Variants in EPHA6 observed in about 807,000 individuals in gnomAD.
EPHA6 encodes the protein EPH receptor A6, also known as ephrin type-A receptor 6.
In EPHA6, 50 loss-of-function variants were observed where a neutral mutation model predicts 112.0. The ratio of observed to expected loss-of-function variants is 0.45; its 90% confidence interval spans 0.36 to 0.56. The LOEUF (loss-of-function observed/expected upper bound fraction) is 0.56. Ranked by LOEUF, EPHA6 falls within the 20% of genes least tolerant of loss-of-function variation. EPHA6 has a pLI of 0.00. For missense variants in EPHA6, 1,280 were observed against 1,417.4 expected (o/e 0.90, Z 1.56); for synonymous variants, 529 against 490.7 (o/e 1.08, Z -1.03).
At chr3:97,660,078 T>A (rs902087276) in intron 14 of EPHA6, among the ~76,000 whole-genome samples, 1 of 152,132 alleles carries the variant, frequency 6.6e-6, no homozygotes, top group Non-Finnish European at 1.5e-5. Flanking sequence ...ATTCTGTTTC[T>A]GGCTACATAT....
At chr3:97,284,455 T>A (rs1447328029) in intron 5 of EPHA6, among the ~76,000 whole-genome samples, 1 of 152,222 alleles carries the variant, frequency 6.6e-6, no homozygotes, top group Non-Finnish European at 1.5e-5. Context: ...CACTTACTTT[T>A]GTTTCATTTA....
chr3:97,655,786 T>C (rs2107619119), intron 14 of EPHA6, among the ~76,000 whole-genome samples: 1 of 149,440 alleles, frequency 6.7e-6, no homozygotes, highest in Non-Finnish European at 1.5e-5. Context: ...GGGATAGCAT[T>C]AGGAGATATA....
intron 3 of EPHA6, among the ~76,000 whole-genome samples, chr3:97,026,482 A>G (rs1326631000): frequency 2.6e-5 from 4 of 152,138 alleles, no homozygotes; most frequent in Admixed American, 2.0e-4. Context: ...CTTTTGACTT[A>G]GCCATATTCC....
intron 3 of EPHA6, among the ~76,000 whole-genome samples, chr3:97,224,900 T>A (rs2078307040): frequency 6.6e-6 from 1 of 152,056 alleles, no homozygotes; most frequent in Admixed American, 6.6e-5. Flanking sequence ...CAATTTCAGG[T>A]CCAACTTGTT....
intron 3 of EPHA6, among the ~76,000 whole-genome samples, chr3:97,153,274 A>G: frequency 6.6e-6 from 1 of 152,078 alleles, no homozygotes; most frequent in Admixed American, 6.6e-5. Flanking sequence ...AAAGTGCTTG[A>G]GAAGCATTAA....
At chr3:97,022,588 C>T (rs562767576) in intron 3 of EPHA6, among the ~76,000 whole-genome samples, 35 of 152,206 alleles carry the variant, frequency 2.3e-4, no homozygotes, top group African/African-American at 6.0e-4. Context: ...ATGACAAGAG[C>T]GGGTAAATAT....
At chr3:96,870,979 G>A (rs1355668594) in intron 2 of EPHA6, among the ~76,000 whole-genome samples, 1 of 152,074 alleles carries the variant, frequency 6.6e-6, no homozygotes, top group Admixed American at 6.6e-5. Context: ...ACTATACCAT[G>A]TGCATATTCA....
intron 15 of EPHA6, among the ~76,000 whole-genome samples, chr3:97,727,997 C>T (rs2034852216): frequency 6.6e-6 from 1 of 151,902 alleles, no homozygotes; most frequent in Non-Finnish European, 1.5e-5. Context: ...TGTGTACATG[C>T]CAGCAATATT....
chr3:97,212,794 G>T (rs1342329470), intron 3 of EPHA6, among the ~76,000 whole-genome samples: 1 of 152,074 alleles, frequency 6.6e-6, no homozygotes, highest in Non-Finnish European at 1.5e-5. Flanking sequence ...ACCTGAGTTT[G>T]CCAGTATGGA....
intron 6 of EPHA6, among the ~76,000 whole-genome samples, chr3:97,414,452 A>G (rs934675396): frequency 1.3e-5 from 2 of 152,042 alleles, no homozygotes; most frequent in African/African-American, 4.8e-5. Context: ...AACCTTTAAA[A>G]TTTAGAGAAA....
rs1335184124 is a variant in EPHA6 at position 97,483,843 on chromosome 3, T to G, written c.2075-91T>G. 3 of 1,307,382 alleles carry G rather than the reference T, an allele frequency of 2.3e-6. No individual in the cohort carries two copies. The East Asian group carries it at 7.9e-5, about 34-fold the overall frequency. 81.0% of individuals were successfully genotyped at this position (1,307,382 alleles called of 1,614,324 possible). ...TAAATCATTATCAAGACTGACTACT[T>G]CAGTATGTCATTTCCGGTTTTAAAT... is the stretch of plus-strand genomic sequence containing the variant. On this transcript the variant is annotated intron_variant, in intron 9 of 17. Transcript: ENST00000389672.
intron 3 of EPHA6, among the ~76,000 whole-genome samples, chr3:97,076,914 G>A (rs2046545711): frequency 6.6e-6 from 1 of 152,110 alleles, no homozygotes; most frequent in South Asian, 2.1e-4. Flanking sequence ...GAGAGCTACA[G>A]CCCAGAAAAA....
intron 1 of EPHA6, among the ~76,000 whole-genome samples, chr3:96,822,424 T>G (rs183769069): frequency 3.4e-4 from 52 of 151,952 alleles, no homozygotes; most frequent in South Asian, 6.2e-4. Context: ...TGAGCTAGTT[T>G]CCCGGGATTC....
At chr3:97,107,746 G>A (rs1437623498) in intron 3 of EPHA6, among the ~76,000 whole-genome samples, 2 of 151,916 alleles carry the variant, frequency 1.3e-5, no homozygotes, top group Admixed American at 6.6e-5. Context: ...GATGTATTAG[G>A]GAGGCTGAAT....
intron 2 of EPHA6, among the ~76,000 whole-genome samples, chr3:96,868,830 A>T (rs1382158832): frequency 6.6e-6 from 1 of 152,006 alleles, no homozygotes; most frequent in African/African-American, 2.4e-5. Flanking sequence ...AGGTAATTTA[A>T]TCATTGATTC....
chr3:96,928,565 C>G (rs190747517), intron 2 of EPHA6, among the ~76,000 whole-genome samples: 3 of 151,930 alleles, frequency 2.0e-5, no homozygotes, highest in Non-Finnish European at 4.4e-5. Flanking sequence ...GAGTAAGTGC[C>G]GTGCGGTGAT....
chr3:97,412,558 A>G (rs1431783792), intron 6 of EPHA6, among the ~76,000 whole-genome samples: 5 of 152,052 alleles, frequency 3.3e-5, no homozygotes, highest in South Asian at 4.1e-4. Flanking sequence ...ATGCTTTGCT[A>G]TACAAGGTGA....
chr3:97,276,071 C>T (rs772525939), intron 5 of EPHA6, among the ~76,000 whole-genome samples: 3 of 152,018 alleles, frequency 2.0e-5, no homozygotes, highest in Non-Finnish European at 4.4e-5. Context: ...TCAATACCCA[C>T]AACAGTTATG....
intron 3 of EPHA6, among the ~76,000 whole-genome samples, chr3:97,180,099 A>G (rs2076947737): frequency 6.6e-6 from 1 of 152,098 alleles, no homozygotes; most frequent in Non-Finnish European, 1.5e-5. Flanking sequence ...TGGCACTTAA[A>G]TCACGAAATG....
Sources: gnomAD v4.1 joint callset for allele counts (sites outside exome capture counted in the v4.1 genomes callset) on GRCh38, gnomAD v4.1.1 for gene constraint, MANE v1.5 for transcripts, NCBI Gene and HGNC (gene_info 2026-07-23, HGNC 2026-07-21) for gene names.